Variants in IPO9 observed in about 807,000 individuals in gnomAD.
The protein encoded by IPO9 is importin-9.
In IPO9, 28 loss-of-function variants were observed where a neutral mutation model predicts 128.6. The ratio of observed to expected loss-of-function variants is 0.22; its 90% confidence interval spans 0.16 to 0.30. The LOEUF is 0.30. Among genes scored for constraint, IPO9 ranks in the 10% least tolerant of loss-of-function variants. The pLI is 1.00. For missense variants in IPO9, 935 were observed against 1,293.9 expected (o/e 0.72, Z 4.26); for synonymous variants, 455 against 475.8 (o/e 0.96, Z 0.57).
rs1161643341 is a variant in IPO9 at position 201,847,313 on chromosome 1, T to A, written c.198T>A (p.Asp66Glu). The A allele has an allele frequency of 3.7e-6, 6 of 1,614,024 alleles. No individual in the cohort carries two copies. The highest frequency in any genetic ancestry group is 5.1e-6 in the Non-Finnish European group (6 of 1,179,954). The change falls in exon 2 of 24, where the codon GAT becomes GAA. Residue 66 changes from aspartate to glutamate, a missense_variant. Around this residue, in one of 3 missense-constraint regions of IPO9, gnomAD observed 741 missense variants for 1,019.1 expected, o/e 0.73. Coordinates refer to ENST00000361565, the MANE Select transcript of IPO9 (RefSeq NM_018085.5). ...FGVHLAELTV[D>E]PQGALAIRQL... ...TTCACTTGGCAGAACTGACTGTAGA[T>A]CCCCAGGGGGCACTGGCAATCCGTC...
At position 201,864,224 on chromosome 1, in the gene IPO9, G is replaced by C. The variant is rs184146053; in HGVS notation, c.1628+617G>C. Among the ~76,000 whole-genome samples, 886 of 152,292 alleles carry C rather than the reference G, an allele frequency of 5.8e-3. 9 individuals are homozygous for C. Among genetic ancestry groups the C allele is most frequent in the African/African-American group, 0.02 (835 of 41,552 alleles). The stretch of plus-strand genomic sequence containing the variant: ...GTGCCTGCCCTGTCTTATCTTTTGA[G>C]GCAGAGGAGTATCTTTTGAGATGCC... On this transcript the variant is annotated intron_variant, in intron 14 of 23. Coordinates refer to ENST00000361565, the MANE Select transcript of IPO9 (RefSeq NM_018085.5).
At position 201,855,181 on chromosome 1, in the gene IPO9, T is replaced by G. The variant is rs771076197; in HGVS notation, c.969T>G (p.Asp323Glu). Reference sequence around the variant, plus strand: ...AAGTAGAAGATCCTGTGGATTCTGATGGTATGTAGTTTATTTGATCTTTAT... The same window carrying G: ...AAGTAGAAGATCCTGTGGATTCTGAGGGTATGTAGTTTATTTGATCTTTAT... ...TEEVEDPVDSDGEVLGFENLV... is the reference protein window; with the variant it reads ...TEEVEDPVDSEGEVLGFENLV... The change falls in exon 9 of 24, where the codon GAT (aspartate) becomes GAG (glutamate). Residue 323 changes from aspartate (D) to glutamate (E), a missense_variant and splice_region_variant. Coordinates refer to ENST00000361565, the MANE Select transcript of IPO9 (RefSeq NM_018085.5). 1.3e-6 allele frequency: 2 copies of G among 1,582,340 alleles called. No individual in the cohort carries two copies. Among genetic ancestry groups the G allele is most frequent in the East Asian group, 4.5e-5 (2 of 44,700 alleles).
intron 11 of IPO9, among the ~76,000 whole-genome samples, chr1:201,857,972 G>A (rs972610295): frequency 1.3e-5 from 2 of 152,198 alleles, no homozygotes; most frequent in Admixed American, 6.5e-5. Context: ...TCTCTAGGCT[G>A]AAATACTAAG....
chr1:201,847,223 T>C (rs760420475), intron 1 of IPO9, 56 bp from the exon 2 acceptor site: 19 of 1,332,458 alleles, frequency 1.4e-5, no homozygotes, highest in East Asian at 9.2e-5. Flanking sequence ...TAGAGCTTAG[T>C]AAATTTCTAT....
chr1:201,838,807 A>T (rs1457988069), intron 1 of IPO9, among the ~76,000 whole-genome samples: 2 of 152,238 alleles, frequency 1.3e-5, no homozygotes, highest in Non-Finnish European at 2.9e-5. Flanking sequence ...GCTTTCACAT[A>T]CACAAACCAT....
chr1:201,832,720 GTC>G (rs1679861111), intron 1 of IPO9, among the ~76,000 whole-genome samples: 2 of 152,184 alleles, frequency 1.3e-5, no homozygotes, highest in South Asian at 4.1e-4. Flanking sequence ...TAACCACACT[GTC>G]TTTGTGAGCT....
chr1:201,874,067 TTACAA>T lies in IPO9; in HGVS notation c.2711-179_2711-175del, dbSNP rs1680713424. On this transcript the variant is annotated intron_variant, in intron 20 of 23. Coordinates refer to ENST00000361565, the MANE Select transcript of IPO9 (RefSeq NM_018085.5). ...CTCATCTCTCCCAGCTTCTGAACTG[TTACAA>T]TACCAAACAATAAAGTTATTTAACT... 2.6e-5 allele frequency among the ~76,000 whole-genome samples: 4 copies of T among 152,336 alleles called. No individual in the cohort carries two copies. The South Asian group carries it at 8.3e-4, about 32-fold the overall frequency.
Position 201,863,566 on chromosome 1 carries a change from G to T in IPO9, c.1587G>T (p.Gln529His), listed in dbSNP as rs1680491298. 6.3e-7 allele frequency: 1 copy of T among 1,599,306 alleles called. No homozygotes were observed. The highest frequency in any genetic ancestry group is 1.7e-5 in the Admixed American group (1 of 59,838). The part of the protein sequence containing the change: ...QATVSGLHET[Q>H]PPSVRISAVR... The stretch of plus-strand genomic sequence containing the variant: ...CAGTTAGTGGTCTTCACGAGACACA[G>T]CCCCCATCAGTTCGAATTTCTGCAG... The change falls in exon 14 of 24, where the codon CAG becomes CAT. Residue 529 changes from glutamine (Q) to histidine (H), a missense_variant. This residue lies in a region of IPO9 where 741 missense variants were observed against 1,019.1 expected (regional missense o/e 0.73). Transcript: ENST00000361565.
chr1:201,873,943 A>C (rs936445137), intron 20 of IPO9, among the ~76,000 whole-genome samples: 2 of 152,190 alleles, frequency 1.3e-5, no homozygotes, highest in African/African-American at 4.8e-5. Flanking sequence ...GCTGTCTCTC[A>C]AATTCTAAGT....
At chr1:201,840,004 G>A (rs1334624443) in intron 1 of IPO9, among the ~76,000 whole-genome samples, 1 of 152,156 alleles carries the variant, frequency 6.6e-6, no homozygotes, top group East Asian at 1.9e-4. Flanking sequence ...CATACAAAAA[G>A]TGTTTAAACT....
intron 11 of IPO9, 48 bp downstream of exon 11, chr1:201,857,242 G>T: frequency 7.9e-7 from 1 of 1,266,368 alleles, no homozygotes; most frequent in South Asian, 1.2e-5. Context: ...TCAGTCACTT[G>T]AGCATTTCTT....
chr1:201,852,355 A>G (rs947403071), intron 5 of IPO9, among the ~76,000 whole-genome samples, 163 bp downstream of exon 5: 2 of 152,216 alleles, frequency 1.3e-5, no homozygotes, highest in Non-Finnish European at 2.9e-5. Context: ...CTTTCACTCA[A>G]CTACAAGGGC....
At chr1:201,830,463 A>G (rs1281737523) in intron 1 of IPO9, among the ~76,000 whole-genome samples, 1 of 152,180 alleles carries the variant, frequency 6.6e-6, no homozygotes, top group Non-Finnish European at 1.5e-5. Flanking sequence ...TTGAAAACAA[A>G]TTTTCTTCTG....
Position 201,855,169 on chromosome 1 carries a change from T to G in IPO9, c.957T>G (p.Pro319=). Residue 319 remains proline (P), a synonymous_variant, in exon 9 of 24, where the codon CCT becomes CCG. Transcript: ENST00000361565. ...EVNYTEEVED[P]VDSDGEVLGF... is the part of the protein sequence containing the mutation. ...ATTACACAGAAGAAGTAGAAGATCC[T>G]GTGGATTCTGATGGTATGTAGTTTA... 6.3e-7 allele frequency: 1 copy of G among 1,594,594 alleles called. No individual in the cohort carries two copies. Among genetic ancestry groups the G allele is most frequent in the Non-Finnish European group, 8.6e-7 (1 of 1,162,756 alleles).
intron 11 of IPO9, among the ~76,000 whole-genome samples, chr1:201,858,014 G>C (rs1431428532): frequency 1.3e-5 from 2 of 152,184 alleles, no homozygotes; most frequent in African/African-American, 4.8e-5. Context: ...TGTTGGGTAG[G>C]AGATTTGTTC....
rs1158659251 is a variant in IPO9 at position 201,858,987 on chromosome 1, C to T, written c.1461C>T (p.Asn487=). 6.2e-7 allele frequency: 1 copy of T among 1,605,796 alleles called. No homozygotes were observed. The highest frequency in any genetic ancestry group is 1.1e-5 in the South Asian group (1 of 90,566). Residue 487 remains asparagine, a synonymous_variant, in exon 13 of 24, where the codon AAC becomes AAT. Transcript: ENST00000361565. ...FLTNVILADL[N]LSVSPFLLGR... Reference sequence around the variant, plus strand: ...CCAATGTCATCCTTGCAGACCTCAACCTCTCAGGTATGTTTCAGCACGTGC... The same window carrying T: ...CCAATGTCATCCTTGCAGACCTCAATCTCTCAGGTATGTTTCAGCACGTGC...
At chr1:201,830,676 C>T (rs1052276902) in intron 1 of IPO9, among the ~76,000 whole-genome samples, 1 of 152,324 alleles carries the variant, frequency 6.6e-6, no homozygotes, top group Non-Finnish European at 1.5e-5. Flanking sequence ...ACATTAATGT[C>T]TGTCCCCCTT....
chr1:201,838,921 C>CTTT (rs386354520), intron 1 of IPO9, among the ~76,000 whole-genome samples: 1 of 142,624 alleles, frequency 7.0e-6, no homozygotes, highest in African/African-American at 2.6e-5. Context: ...TTAGAGGAAA[C>CTTT]TTTTTTTTTT....
intron 1 of IPO9, among the ~76,000 whole-genome samples, chr1:201,841,799 C>CA (rs891169777): frequency 1.5e-4 from 23 of 151,112 alleles, no homozygotes; most frequent in African/African-American, 4.6e-4. Context: ...ATTTGAGCAA[C>CA]AAAAAAAATA....
Sources: gnomAD v4.1 joint callset for allele counts (sites outside exome capture counted in the v4.1 genomes callset) on GRCh38, gnomAD v4.1.1 for gene constraint, gnomAD v4.1.1 regional missense constraint, MANE v1.5 for transcripts, NCBI Gene and HGNC (gene_info 2026-07-23, HGNC 2026-07-21) for gene names.